Variants in ZNF19 observed in about 807,000 individuals in gnomAD.
ZNF19 encodes zinc finger protein 19 (KOX 12).
Under a neutral mutation model 13.1 loss-of-function variants are expected in ZNF19, and 11 were observed. That is an observed-to-expected ratio of 0.84 (90% CI 0.53 to 1.39). The LOEUF is 1.39. Ranked by LOEUF, ZNF19 falls within the 40% of genes most tolerant of loss-of-function variation. The probability of loss-of-function intolerance (pLI) is 0.00; values close to 1 mark genes in which losing one functional copy is unlikely to be tolerated. For missense variants in ZNF19, 560 were observed against 547.0 expected (o/e 1.02, Z -0.24); for synonymous variants, 186 against 187.0 (o/e 0.99, Z 0.04).
intron 1 of ZNF19, among the ~76,000 whole-genome samples, 152 bp from the exon 2 acceptor site, chr16:71,484,900 G>C (rs906774479): frequency 1.3e-5 from 2 of 152,152 alleles, no homozygotes; most frequent in African/African-American, 2.4e-5. Context: ...TCACATTACA[G>C]TTGATGCAGA....
intron 5 of ZNF19, 147 bp from the exon 6 acceptor site, chr16:71,476,419 G>A (rs1316987133): frequency 3.2e-6 from 3 of 934,334 alleles, no homozygotes; most frequent in African/African-American, 3.3e-5. Flanking sequence ...AAGTGAAAGT[G>A]CCAAATATCA....
intron 1 of ZNF19, among the ~76,000 whole-genome samples, chr16:71,488,154 G>A (rs2043692549): frequency 6.6e-6 from 1 of 152,030 alleles, no homozygotes; most frequent in African/African-American, 2.4e-5. Flanking sequence ...GAGGCCAGGA[G>A]TTCAAGACCA....
chr16:71,477,187 G>A (rs2043608147), intron 5 of ZNF19, among the ~76,000 whole-genome samples: 1 of 152,208 alleles, frequency 6.6e-6, no homozygotes, highest in African/African-American at 2.4e-5. Flanking sequence ...TTCATCCTAT[G>A]AGTGTGAGTT....
At chr16:71,486,433 AG>A (rs1162621463) in intron 1 of ZNF19, among the ~76,000 whole-genome samples, 1 of 152,196 alleles carries the variant, frequency 6.6e-6, no homozygotes, top group Admixed American at 6.5e-5. Context: ...AACGTGAAAG[AG>A]GGAATTGAAA....
At chr16:71,478,008 A>T (rs1467447842) in intron 5 of ZNF19, 1 of 492,888 alleles carries the variant, frequency 2.0e-6, no homozygotes, top group African/African-American at 2.0e-5. Context: ...AAGGTAGGCA[A>T]TGTTGAAACT....
chr16:71,481,672 C>T (rs968569781), intron 3 of ZNF19, among the ~76,000 whole-genome samples: 3 of 152,082 alleles, frequency 2.0e-5, no homozygotes, highest in Admixed American at 1.3e-4. Flanking sequence ...TTAGATAGGC[C>T]CCCTCTTTCT....
At position 71,475,589 on chromosome 16, in the gene ZNF19, G is replaced by T; in HGVS notation, c.958C>A (p.Gln320Lys). The change falls in exon 6 of 6, where the codon CAG becomes AAG. Residue 320 changes from glutamine to lysine, a missense_variant. Coordinates refer to ENST00000288177, the MANE Select transcript of ZNF19 (RefSeq NM_006961.4). Reference sequence around the variant, plus strand: ...GGCTTTTCCCCTGTGTGAATACGCTGATGTTGGCTTAGATGGGAAGTCCTT... The same window carrying T: ...GGCTTTTCCCCTGTGTGAATACGCTTATGTTGGCTTAGATGGGAAGTCCTT... The part of the protein sequence containing the change: ...FGRTSHLSQH[Q>K]RIHTGEKPYS... The T allele has an allele frequency of 6.2e-7, 1 of 1,614,042 alleles. No individual in the cohort carries two copies. Among genetic ancestry groups the T allele is most frequent in the East Asian group, 2.2e-5 (1 of 44,864 alleles).
At chr16:71,486,902 T>C (rs1349911736) in intron 1 of ZNF19, among the ~76,000 whole-genome samples, 3 of 151,982 alleles carry the variant, frequency 2.0e-5, no homozygotes, top group Admixed American at 6.6e-5. Flanking sequence ...TGGTGAAGAG[T>C]TGAGTATATT....
In ZNF19 at chr16:71,482,130, T is replaced by G; in HGVS notation, c.-16A>C. The G allele has an allele frequency of 6.2e-7, 1 of 1,614,058 alleles. No individual in the cohort carries two copies. Among genetic ancestry groups the G allele is most frequent in the Non-Finnish European group, 8.5e-7 (1 of 1,180,002 alleles). On this transcript the variant is annotated 5_prime_UTR_variant, in exon 3 of 6. Transcript: ENST00000288177. ...TGGCTGCCATGACCTGGTCTCCCTC[T>G]TAGCAGGCAAAGGCTGAGGGAAGAA...
chr16:71,485,715 T>C (rs934120912), intron 1 of ZNF19, among the ~76,000 whole-genome samples: 4 of 151,910 alleles, frequency 2.6e-5, no homozygotes, highest in Non-Finnish European at 5.9e-5. Context: ...GTTTCAAAAA[T>C]ACTGAACACA....
At chr16:71,478,100 A>G in intron 5 of ZNF19, 128 bp downstream of exon 5, 3 of 649,638 alleles carry the variant, frequency 4.6e-6, no homozygotes, top group Non-Finnish European at 2.7e-6. Flanking sequence ...ATTGGTGAGA[A>G]ACGTTTCATA....
At position 71,475,055 on chromosome 16, in the gene ZNF19, G is replaced by C; in HGVS notation, c.*115C>G. Reference sequence around the variant, plus strand: ...CATCTTTGGTCATCTACTGACATCTGAATCATTAACTGTGGCTTGAGGGAT... The same window carrying C: ...CATCTTTGGTCATCTACTGACATCTCAATCATTAACTGTGGCTTGAGGGAT... On this transcript the variant is annotated 3_prime_UTR_variant, in exon 6 of 6. Transcript: ENST00000288177. The C allele has an allele frequency of 7.8e-7, 1 of 1,277,082 alleles. No individual in the cohort carries two copies. Among genetic ancestry groups the C allele is most frequent in the Non-Finnish European group, 1.1e-6 (1 of 942,364 alleles). 79.1% of individuals were successfully genotyped at this position (1,277,082 alleles called of 1,614,324 possible). A position where few individuals can be genotyped will look rare whatever the true frequency, so the allele number is the denominator to read the frequency against.
intron 5 of ZNF19, 141 bp from the exon 6 acceptor site, chr16:71,476,413 G>C (rs2043603394): frequency 9.9e-7 from 1 of 1,014,676 alleles, no homozygotes; most frequent in Non-Finnish European, 1.4e-6. Context: ...CTGTTAAAGT[G>C]AAAGTGCCAA....
At chr16:71,476,333 A>G in intron 5 of ZNF19, 61 bp from the exon 6 acceptor site, 1 of 1,492,952 alleles carries the variant, frequency 6.7e-7, no homozygotes, top group Admixed American at 2.2e-5. Context: ...GAAATAATAG[A>G]GCATTGAAAA....
Position 71,475,445 on chromosome 16 carries a change from C to T in ZNF19, c.1102G>A (p.Ala368Thr). 6.2e-7 allele frequency: 1 copy of T among 1,611,776 alleles called. No individual in the cohort carries two copies. The highest frequency in any genetic ancestry group is 8.5e-7 in the Non-Finnish European group (1 of 1,179,202). Residue 368 changes from alanine to threonine, a missense_variant, in exon 6 of 6, where the codon GCT (alanine) becomes ACT (threonine). Transcript: ENST00000288177. ...AGATGCCTTTTTAATTGTTCCTGAGCACTGAAGGCTTTTCCACAATCTACA... is the reference window on the plus strand; with the variant it reads ...AGATGCCTTTTTAATTGTTCCTGAGTACTGAAGGCTTTTCCACAATCTACA... ...DCVDCGKAFS[A>T]QEQLKRHLRI... is the part of the protein sequence containing the mutation.
In ZNF19 at chr16:71,475,511, G is replaced by T. The variant is rs767292163; in HGVS notation, c.1036C>A (p.Arg346=). The T allele has an allele frequency of 1.2e-6, 2 of 1,614,138 alleles. No individual in the cohort carries two copies. Among genetic ancestry groups the T allele is most frequent in the Non-Finnish European group, 1.7e-6 (2 of 1,180,024 alleles). ...TCCTCACTGTGAATTCTCTGGTGCC[G>T]AGTTAGTTTTGTATGAAAATTGAAG... The part of the protein sequence containing the change: ...QAFNFHTKLT[R]HQRIHSEEKP... The change falls in exon 6 of 6, where the codon CGG becomes AGG. Residue 346 remains arginine (R), a synonymous_variant. Coordinates refer to ENST00000288177, the MANE Select transcript of ZNF19 (RefSeq NM_006961.4).
intron 2 of ZNF19, among the ~76,000 whole-genome samples, chr16:71,482,763 G>A (rs904208151): frequency 1.4e-4 from 21 of 152,262 alleles, no homozygotes; most frequent in African/African-American, 4.8e-4. Flanking sequence ...GTGCAATGGC[G>A]TGATCTCAGC....
chr16:71,480,733 G>C (rs1274521713), intron 3 of ZNF19, among the ~76,000 whole-genome samples: 2 of 152,308 alleles, frequency 1.3e-5, no homozygotes, highest in Middle Eastern at 3.4e-3. Context: ...CCACTAACTA[G>C]AGCAGTGGTA....
chr16:71,486,180 CGA>C (rs2043676688), intron 1 of ZNF19, among the ~76,000 whole-genome samples: 1 of 87,696 alleles, frequency 1.1e-5, no homozygotes. Flanking sequence ...CTGTCTCTAC[CGA>C]AAAAAAAAAA....
Sources: gnomAD v4.1 joint callset for allele counts (sites outside exome capture counted in the v4.1 genomes callset) on GRCh38, gnomAD v4.1.1 for gene constraint, MANE v1.5 for transcripts, NCBI Gene and HGNC (gene_info 2026-07-23, HGNC 2026-07-21) for gene names.